The following LHFPL6 variants were observed in gnomAD, a reference collection of about 807,000 sequenced individuals.
LHFPL6 encodes LHFPL tetraspan subfamily member 6 protein.
In LHFPL6, 9 loss-of-function variants were observed where a neutral mutation model predicts 20.6. The observed-to-expected ratio is 0.44, with a 90% CI of 0.26 to 0.76. The LOEUF is 0.76. Among genes scored for constraint, LHFPL6 ranks in the 30% least tolerant of loss-of-function variants. The pLI, the probability that LHFPL6 is intolerant of heterozygous loss-of-function variation, is 0.20. For missense variants in LHFPL6, 218 were observed against 253.5 expected, an observed-to-expected ratio of 0.86 and a Z score of 0.95; for synonymous variants, 105 against 98.7, an observed-to-expected ratio of 1.06 and a Z score of -0.38.
At chr13:39,369,107 GA>G (rs760829098) in intron 3 of LHFPL6, among the ~76,000 whole-genome samples, 1,996 of 117,552 alleles carry the variant, frequency 0.017, 30 homozygotes, top group African/African-American at 0.057. Context: ...GGACAACACT[GA>G]AAAAAAAAAA....
At chr13:39,355,396 A>G (rs1430273372) in intron 3 of LHFPL6, among the ~76,000 whole-genome samples, 1 of 152,160 alleles carries the variant, frequency 6.6e-6, no homozygotes, top group African/African-American at 2.4e-5. Context: ...TCCTCTAAAC[A>G]TGGAAATGAA....
chr13:39,441,823 CTTTTTTT>C (rs1168860757), intron 2 of LHFPL6, among the ~76,000 whole-genome samples: 11 of 110,078 alleles, frequency 1.0e-4, no homozygotes, highest in African/African-American at 2.4e-4. Context: ...TGGGCTAAAA[CTTTTTTT>C]TTTTTTTTTT....
In LHFPL6 at chr13:39,421,759, T is replaced by TA. The variant is rs1234525240; in HGVS notation, c.386-43234_386-43233insT. Among the ~76,000 whole-genome samples, 10 of 14,640 alleles carry TA rather than the reference T, an allele frequency of 6.8e-4. No individual in the cohort carries two copies. The South Asian group carries it at 0.27, about 390-fold the overall frequency. 9.6% of individuals were successfully genotyped at this position (14,640 alleles called of 152,430 possible). On this transcript the variant is annotated intron_variant, in intron 2 of 3. Coordinates refer to ENST00000379589, the MANE Select transcript of LHFPL6 (RefSeq NM_005780.3). ...CAATAAAAGGATATTGGGGAGAGGA[T>TA]GGAAAAGGCTGAAAAATGGTTTCAG...
intron 2 of LHFPL6, among the ~76,000 whole-genome samples, chr13:39,560,646 C>T (rs2138519351): frequency 6.6e-6 from 1 of 151,918 alleles, no homozygotes; most frequent in Non-Finnish European, 1.5e-5. Flanking sequence ...TCCCGTGTAG[C>T]TGGAACTACA....
At chr13:39,349,323 C>A (rs972433448) in intron 3 of LHFPL6, among the ~76,000 whole-genome samples, 1 of 150,352 alleles carries the variant, frequency 6.7e-6, no homozygotes, top group African/African-American at 2.5e-5. Flanking sequence ...GCATACATGT[C>A]TTTTGAGAAA....
intron 2 of LHFPL6, among the ~76,000 whole-genome samples, chr13:39,410,553 C>T (rs999627409): frequency 6.6e-6 from 1 of 152,168 alleles, no homozygotes; most frequent in Non-Finnish European, 1.5e-5. Flanking sequence ...TTCTCCCCAT[C>T]CCACCAACAA....
At chr13:39,502,249 T>C (rs1869316549) in intron 2 of LHFPL6, among the ~76,000 whole-genome samples, 1 of 152,164 alleles carries the variant, frequency 6.6e-6, no homozygotes, top group Non-Finnish European at 1.5e-5. Context: ...GAAACTGAAC[T>C]CAGATTTTTC....
At chr13:39,561,867 C>T (rs972905541) in intron 2 of LHFPL6, among the ~76,000 whole-genome samples, 1 of 152,108 alleles carries the variant, frequency 6.6e-6, no homozygotes, top group African/African-American at 2.4e-5. Context: ...ACTTGATTCT[C>T]ACAACAATCC....
At chr13:39,491,445 G>A (rs1006990873) in intron 2 of LHFPL6, among the ~76,000 whole-genome samples, 6 of 152,122 alleles carry the variant, frequency 3.9e-5, no homozygotes, top group Non-Finnish European at 8.8e-5. Flanking sequence ...GTTTTAGAGG[G>A]CTCTGAAGGC....
chr13:39,416,062 T>G (rs565610005), intron 2 of LHFPL6, among the ~76,000 whole-genome samples: 83 of 152,326 alleles, frequency 5.4e-4, no homozygotes, highest in African/African-American at 1.9e-3. Context: ...GCAGTCTCCT[T>G]GGGTAACGAC....
rs1304589253 is a variant in LHFPL6 at position 39,562,475 on chromosome 13, C to CAT, written c.385+38355_385+38356dup. On this transcript the variant is annotated intron_variant, in intron 2 of 3. Transcript: ENST00000379589. ...ATATATACATATATACACATATACA[C>CAT]ATATACATATATACACATATACATA... Among the ~76,000 whole-genome samples the CAT allele has an allele frequency of 8.9e-4, 77 of 86,452 alleles. 1 individual carries two copies. The highest frequency in any genetic ancestry group is 2.3e-3 in the South Asian group (6 of 2,602). The allele number at this position is 86,452 out of a possible 152,430, so 56.7% of individuals were successfully genotyped here.
At chr13:39,479,104 C>T (rs1868412241) in intron 2 of LHFPL6, among the ~76,000 whole-genome samples, 1 of 140,872 alleles carries the variant, frequency 7.1e-6, no homozygotes, top group South Asian at 2.4e-4. Context: ...TTGATCTCTA[C>T]CTATCTATCC....
At chr13:39,538,890 T>C (rs1870708302) in intron 2 of LHFPL6, among the ~76,000 whole-genome samples, 1 of 152,200 alleles carries the variant, frequency 6.6e-6, no homozygotes, top group African/African-American at 2.4e-5. Context: ...TCATCTACCA[T>C]GGAGTTATTC....
At chr13:39,395,397 C>T (rs959749127) in intron 2 of LHFPL6, among the ~76,000 whole-genome samples, 2 of 152,140 alleles carry the variant, frequency 1.3e-5, no homozygotes, top group South Asian at 2.1e-4. Context: ...ATGGAGTTAT[C>T]GTTAGGACTT....
rs1043877014 is a variant in LHFPL6, at chr13:39,575,778, G to A, written c.385+25054C>T. On this transcript the variant is annotated intron_variant, in intron 2 of 3. Coordinates refer to ENST00000379589, the MANE Select transcript of LHFPL6 (RefSeq NM_005780.3). Reference sequence around the variant, plus strand: ...GGTTCGCTTCTGCCCGGGTGTGCACGGTTTCTCCTTATGTCTCACTTCTAA... The same window carrying A: ...GGTTCGCTTCTGCCCGGGTGTGCACAGTTTCTCCTTATGTCTCACTTCTAA... Among the ~76,000 whole-genome samples, 9 of 152,126 alleles carry A rather than the reference G, an allele frequency of 5.9e-5. No homozygotes were observed. In the South Asian group the frequency reaches 8.3e-4, roughly 14 times the overall value.
chr13:39,497,119 T>C (rs1869126410), intron 2 of LHFPL6, among the ~76,000 whole-genome samples: 1 of 152,232 alleles, frequency 6.6e-6, no homozygotes, highest in African/African-American at 2.4e-5. Context: ...GCAAGTAAAC[T>C]ACACTCAAAA....
At chr13:39,483,641 T>C (rs1868615891) in intron 2 of LHFPL6, among the ~76,000 whole-genome samples, 1 of 152,186 alleles carries the variant, frequency 6.6e-6, no homozygotes, top group Non-Finnish European at 1.5e-5. Context: ...GCAGTTTTCT[T>C]CATTGGTTTC....
At chr13:39,404,861 C>A (rs998505432) in intron 2 of LHFPL6, among the ~76,000 whole-genome samples, 3 of 152,162 alleles carry the variant, frequency 2.0e-5, no homozygotes, top group Admixed American at 2.0e-4. Flanking sequence ...GTACCTGGGA[C>A]AGGACAATAT....
chr13:39,372,972 C>T (rs1870198710), intron 3 of LHFPL6, among the ~76,000 whole-genome samples: 1 of 152,194 alleles, frequency 6.6e-6, no homozygotes, highest in Non-Finnish European at 1.5e-5. Context: ...TCTCTGCAAC[C>T]TATCTCTCCA....
Sources: allele counts gnomAD v4.1 joint callset (sites outside exome capture counted in the v4.1 genomes callset), GRCh38; gene constraint gnomAD v4.1.1; transcripts MANE v1.5; gene names NCBI Gene and HGNC (gene_info 2026-07-23, HGNC 2026-07-21).